The following GPC5 variants were observed in gnomAD, a reference collection of about 807,000 sequenced individuals.
GPC5 encodes glypican 5.
In GPC5, 47 loss-of-function variants were observed where a neutral mutation model predicts 53.9. The observed-to-expected ratio is 0.87, with a 90% CI of 0.69 to 1.11. GPC5 has a LOEUF of 1.11. Among genes scored for constraint, GPC5 ranks in the 50% most tolerant of loss-of-function variants. GPC5 has a pLI of 0.00. For missense variants in GPC5, 748 were observed against 713.1 expected, an observed-to-expected ratio of 1.05 and a Z score of -0.56; for synonymous variants, 286 against 263.3, an observed-to-expected ratio of 1.09 and a Z score of -0.84.
intron 7 of GPC5, among the ~76,000 whole-genome samples, chr13:92,513,380 A>C (rs985925947): frequency 7.2e-5 from 11 of 152,106 alleles, no homozygotes; most frequent in African/African-American, 2.7e-4. Flanking sequence ...GAATTAATTC[A>C]CTTGGACTGC....
intron 7 of GPC5, among the ~76,000 whole-genome samples, chr13:92,587,982 T>A (rs9561091): frequency 0.29 from 43,539 of 151,870 alleles, 8,352 homozygotes; most frequent in East Asian, 0.74. Context: ...TAGGTATACA[T>A]GTGCCATGGT....
intron 7 of GPC5, among the ~76,000 whole-genome samples, chr13:92,154,095 C>T (rs2041926066): frequency 6.6e-6 from 1 of 152,168 alleles, no homozygotes; most frequent in African/African-American, 2.4e-5. Flanking sequence ...AGGAGGCTTA[C>T]AAACTGGTGG....
Position 92,404,413 on chromosome 13 carries a change from G to A in GPC5, c.1561+259424G>A, listed in dbSNP as rs1204157897. Among the ~76,000 whole-genome samples, 3 of 152,224 alleles carry A rather than the reference G, an allele frequency of 2.0e-5. No individual in the cohort carries two copies. In the East Asian group the frequency reaches 5.8e-4, roughly 29 times the overall value. ...GACAACTGAAGGAAGAAAATCTTAG[G>A]ACCATCTGCCCAATGATCCAAAGCT... is the stretch of plus-strand genomic sequence containing the variant. On this transcript the variant is annotated intron_variant, in intron 7 of 7. Transcript: ENST00000377067.
At chr13:91,970,695 A>G (rs1047901278) in intron 6 of GPC5, among the ~76,000 whole-genome samples, 27 of 152,170 alleles carry the variant, frequency 1.8e-4, no homozygotes, top group Non-Finnish European at 2.6e-4. Flanking sequence ...AATTTTGTCA[A>G]AGGCCTTTTC....
intron 1 of GPC5, among the ~76,000 whole-genome samples, chr13:91,419,359 A>G (rs1194698391): frequency 1.3e-5 from 2 of 152,220 alleles, no homozygotes; most frequent in Non-Finnish European, 2.9e-5. Flanking sequence ...ATATGGAATT[A>G]GTTATAAGGT....
chr13:92,003,028 T>C (rs756849452), intron 6 of GPC5, among the ~76,000 whole-genome samples: 7 of 152,096 alleles, frequency 4.6e-5, no homozygotes, highest in Non-Finnish European at 1.0e-4. Context: ...TTACTCCACC[T>C]GGCCAGGCAC....
At chr13:91,976,451 G>A (rs1468848035) in intron 6 of GPC5, among the ~76,000 whole-genome samples, 1 of 152,184 alleles carries the variant, frequency 6.6e-6, no homozygotes, top group East Asian at 1.9e-4. Flanking sequence ...CTGCTGAGGA[G>A]ATGGGAGATC....
At chr13:92,009,221 TA>T (rs749132827) in intron 6 of GPC5, among the ~76,000 whole-genome samples, 49 of 151,582 alleles carry the variant, frequency 3.2e-4, no homozygotes, top group Middle Eastern at 3.4e-3. Context: ...TGATGCTCAT[TA>T]TTTTTTTTTA....
intron 7 of GPC5, among the ~76,000 whole-genome samples, chr13:92,403,651 G>C (rs942886074): frequency 1.3e-5 from 2 of 152,192 alleles, no homozygotes; most frequent in Non-Finnish European, 2.9e-5. Context: ...GTGCCAAAAA[G>C]GTTGGGGACC....
At chr13:92,608,503 T>C (rs567004878) in intron 7 of GPC5, among the ~76,000 whole-genome samples, 5 of 152,280 alleles carry the variant, frequency 3.3e-5, no homozygotes, top group African/African-American at 1.2e-4. Context: ...TTGTCCCCCT[T>C]TGTATACAGA....
At chr13:91,907,525 A>ATATG (rs58557370) in intron 5 of GPC5, among the ~76,000 whole-genome samples, 3 of 133,684 alleles carry the variant, frequency 2.2e-5, no homozygotes, top group Non-Finnish European at 4.9e-5. Flanking sequence ...ATATATATAT[A>ATATG]GTATATATGT....
At chr13:91,895,354 A>G (rs889041158) in intron 5 of GPC5, among the ~76,000 whole-genome samples, 1 of 152,226 alleles carries the variant, frequency 6.6e-6, no homozygotes, top group Non-Finnish European at 1.5e-5. Flanking sequence ...ATATACAGGA[A>G]TTAAAGGAAG....
At chr13:91,860,558 G>T in intron 5 of GPC5, among the ~76,000 whole-genome samples, 1 of 133,136 alleles carries the variant, frequency 7.5e-6, no homozygotes, top group Non-Finnish European at 1.5e-5. Flanking sequence ...GTCTTGCTCT[G>T]GAGTGCATTG....
intron 7 of GPC5, among the ~76,000 whole-genome samples, chr13:92,411,628 A>C (rs1424856333): frequency 6.6e-6 from 1 of 152,180 alleles, no homozygotes; most frequent in Admixed American, 6.5e-5. Context: ...TAAAAAGAAA[A>C]TCAATTAATC....
At chr13:91,597,299 T>G (rs2033029649) in intron 2 of GPC5, among the ~76,000 whole-genome samples, 1 of 152,240 alleles carries the variant, frequency 6.6e-6, no homozygotes, top group Non-Finnish European at 1.5e-5. Flanking sequence ...TTCGTTAGTA[T>G]AATTAATTTA....
At chr13:92,590,096 A>G (rs767485366) in intron 7 of GPC5, among the ~76,000 whole-genome samples, 7 of 152,176 alleles carry the variant, frequency 4.6e-5, no homozygotes, top group Non-Finnish European at 8.8e-5. Context: ...TCCTTGCAAT[A>G]CTTCAGGCCC....
chr13:92,559,827 C>T (rs1236622137), intron 7 of GPC5, among the ~76,000 whole-genome samples: 1 of 151,416 alleles, frequency 6.6e-6, no homozygotes. Flanking sequence ...GGCCTGTGAG[C>T]ACAATAACGT....
At chr13:92,604,192 ATTCAC>A (rs1884175621) in intron 7 of GPC5, among the ~76,000 whole-genome samples, 1 of 152,200 alleles carries the variant, frequency 6.6e-6, no homozygotes, top group Admixed American at 6.5e-5. Flanking sequence ...CTTTACAGGA[ATTCAC>A]TTCAAGGTAA....
chr13:92,375,482 C>A (rs896552816), intron 7 of GPC5, among the ~76,000 whole-genome samples: 14 of 152,052 alleles, frequency 9.2e-5, no homozygotes, highest in African/African-American at 3.1e-4. Context: ...TAAGTAAAAC[C>A]TCATGGAGAA....
Sources: gnomAD v4.1 joint callset for allele counts (sites outside exome capture counted in the v4.1 genomes callset) on GRCh38, gnomAD v4.1.1 for gene constraint, MANE v1.5 for transcripts, NCBI Gene and HGNC (gene_info 2026-07-23, HGNC 2026-07-21) for gene names.